Variants in FBL observed in about 807,000 individuals in gnomAD.
FBL encodes fibrillarin rRNA 2'-O-methyltransferase.
FBL carries 10 observed loss-of-function variants against 42.2 expected under a neutral mutation model. The ratio of observed to expected loss-of-function variants is 0.24; its 90% CI spans 0.15 to 0.40. The LOEUF is 0.40. Ranked by LOEUF, FBL falls within the 10% of genes least tolerant of loss-of-function variation. The pLI is 1.00. For synonymous variants in FBL, 165 were observed against 165.4 expected (o/e 1.00, Z 0.02); for missense variants, 351 against 439.2 (o/e 0.80, Z 1.79).
intron 1 of FBL, among the ~76,000 whole-genome samples, chr19:39,843,835 C>A (rs12982833): frequency 0.54 from 82,397 of 151,488 alleles, 23,506 homozygotes; most frequent in African/African-American, 0.72. Context: ...TGACTTGTAC[C>A]CACAGAGCAC....
At chr19:39,844,035 C>T (rs187236480) in intron 1 of FBL, among the ~76,000 whole-genome samples, 1 of 152,044 alleles carries the variant, frequency 6.6e-6, no homozygotes, top group East Asian at 1.9e-4. Context: ...TTAATAGCTA[C>T]TCCTAATTTG....
chr19:39,845,276 C>T (rs1336156236), intron 1 of FBL, among the ~76,000 whole-genome samples: 2 of 152,214 alleles, frequency 1.3e-5, no homozygotes, highest in Non-Finnish European at 2.9e-5. Context: ...TCAGGCACCA[C>T]CGAGAAGGAT....
At chr19:39,841,148 C>T (rs988898532) in intron 1 of FBL, among the ~76,000 whole-genome samples, 5 of 152,074 alleles carry the variant, frequency 3.3e-5, no homozygotes, top group Non-Finnish European at 7.4e-5. Context: ...CACAGCTCAC[C>T]GCAGCCTCGA....
chr19:39,841,080 C>CT (rs563369782), intron 1 of FBL, among the ~76,000 whole-genome samples: 8 of 151,182 alleles, frequency 5.3e-5, no homozygotes, highest in African/African-American at 7.3e-5. Context: ...TTGCTTAGTG[C>CT]TTTTTTTTTG....
In FBL at chr19:39,834,544, C is replaced by G. The variant is rs1968986282; in HGVS notation, c.960G>C (p.Lys320Asn). The change falls in exon 9 of 9, where the codon AAG becomes AAC. Residue 320 changes from lysine to asparagine, a missense_variant. Physicochemically the swap from Lys to Asn is moderately conservative, Grantham distance 94. Transcript: ENST00000221801. Reference sequence around the variant, plus strand: ...ATCCTGACAGCGCTGAACTTCAGTTCTTCACCTTGGGGGGTGGCCTGTGAG... The same window carrying G: ...ATCCTGACAGCGCTGAACTTCAGTTGTTCACCTTGGGGGGTGGCCTGTGAG... ...VGVYRPPPKV[K>N]N 1 of 1,614,030 alleles carries G rather than the reference C, an allele frequency of 6.2e-7. No individual in the cohort carries two copies. The highest frequency in any genetic ancestry group is 1.3e-5 in the African/African-American group (1 of 74,896).
In FBL at chr19:39,840,878, G is replaced by C. The variant is rs1364708020; in HGVS notation, c.11-91C>G. The C allele has an allele frequency of 3.2e-6, 4 of 1,234,942 alleles. No individual in the cohort carries two copies. The highest frequency in any genetic ancestry group is 4.4e-6 in the Non-Finnish European group (4 of 908,800). 76.5% of individuals were successfully genotyped at this position (1,234,942 alleles called of 1,614,324 possible). On this transcript the variant is annotated intron_variant, in intron 1 of 8. Transcript: ENST00000221801. The surrounding 1 kb of genome is among the most constrained non-coding windows in gnomAD (Gnocchi z 4.5). ...GCAATACCTCTCAGGTGAGAAACCT[G>C]AAATACATGTGCCCGTGTACAGCAG...
chr19:39,845,957 A>G (rs1284711069), intron 1 of FBL, among the ~76,000 whole-genome samples: 1 of 152,200 alleles, frequency 6.6e-6, no homozygotes, highest in Non-Finnish European at 1.5e-5. Context: ...CCAAGACTCC[A>G]GATGCCTGAA....
rs1461194036 is a variant in FBL at position 39,842,820 on chromosome 19, C to A, written c.11-2033G>T. Among the ~76,000 whole-genome samples, 6 of 152,292 alleles carry A rather than the reference C, an allele frequency of 3.9e-5. No individual in the cohort carries two copies. In the South Asian group the frequency reaches 6.2e-4, roughly 16 times the overall value. On this transcript the variant is annotated intron_variant, in intron 1 of 8. Transcript: ENST00000221801. ...CTCTCCAGGTGACTCCAAGGTGCAG[C>A]CCACATTGAGTATCATCATCCTAAG...
At chr19:39,839,932 C>T (rs1429013077) in intron 4 of FBL, among the ~76,000 whole-genome samples, 1 of 151,614 alleles carries the variant, frequency 6.6e-6, no homozygotes, top group African/African-American at 2.4e-5. Context: ...GGAGTGGGAA[C>T]AGCAAGGCCA....
intron 1 of FBL, among the ~76,000 whole-genome samples, chr19:39,844,694 T>A (rs1037136063): frequency 3.9e-5 from 6 of 152,206 alleles, no homozygotes; most frequent in African/African-American, 1.4e-4. Context: ...CACCACACCA[T>A]CTCCTAGATT....
At chr19:39,844,397 G>A (rs12975624) in intron 1 of FBL, among the ~76,000 whole-genome samples, 82,320 of 151,522 alleles carry the variant, frequency 0.54, 23,546 homozygotes, top group African/African-American at 0.72. Flanking sequence ...GCTTTTGGGG[G>A]AAAATGTACC....
intron 1 of FBL, among the ~76,000 whole-genome samples, chr19:39,845,770 G>C (rs991640044): frequency 6.6e-6 from 1 of 152,194 alleles, no homozygotes; most frequent in African/African-American, 2.4e-5. Flanking sequence ...ACGGCCAACC[G>C]GGGAGTCCTC....
rs780593060 is a variant in FBL, at chr19:39,840,293, C to G, written c.318G>C (p.Leu106=). ...VFICRGKEDA[L]VTKNLVPGES... ...CCCCAGGGACCAGGTTCTTGGTGACCAGTGCATCTTCCTTTCCTCGACAAA... is the reference window on the plus strand; with the variant it reads ...CCCCAGGGACCAGGTTCTTGGTGACGAGTGCATCTTCCTTTCCTCGACAAA... Residue 106 remains leucine (L), a synonymous_variant, in exon 4 of 9, where the codon CTG becomes CTC. Coordinates refer to ENST00000221801, the MANE Select transcript of FBL (RefSeq NM_001436.4). The surrounding 1 kb of genome is among the most constrained non-coding windows in gnomAD (Gnocchi z 4.5). 16 of 1,614,090 alleles carry G rather than the reference C, an allele frequency of 9.9e-6. No homozygotes were observed. The highest frequency in any genetic ancestry group is 1.4e-5 in the Non-Finnish European group (16 of 1,179,990).
Position 39,846,361 on chromosome 19 carries a change from G to C in FBL, c.-61C>G. On this transcript the variant is annotated 5_prime_UTR_variant, in exon 1 of 9. Coordinates refer to ENST00000221801, the MANE Select transcript of FBL (RefSeq NM_001436.4). ...GCGTTCACAACTCCACGAGTCCGGG[G>C]CTTTCGCACGTGGAAAAGAGCGCAG... The C allele has an allele frequency of 6.2e-7, 1 of 1,602,570 alleles. No individual in the cohort carries two copies. Among genetic ancestry groups the C allele is most frequent in the South Asian group, 1.1e-5 (1 of 89,502 alleles).
chr19:39,846,357 C>A lies in FBL; in HGVS notation c.-57G>T. ...CGCGGCGTTCACAACTCCACGAGTC[C>A]GGGGCTTTCGCACGTGGAAAAGAGC... On this transcript the variant is annotated 5_prime_UTR_variant, in exon 1 of 9. Coordinates refer to ENST00000221801, the MANE Select transcript of FBL (RefSeq NM_001436.4). 5.6e-6 allele frequency: 9 copies of A among 1,605,116 alleles called. No individual in the cohort carries two copies. The highest frequency in any genetic ancestry group is 7.7e-6 in the Non-Finnish European group (9 of 1,175,534).
Position 39,834,498 on chromosome 19 carries a change from T to C in FBL, c.*40A>G, listed in dbSNP as rs1452430080. The C allele has an allele frequency of 1.2e-6, 2 of 1,611,858 alleles. No homozygotes were observed. The highest frequency in any genetic ancestry group is 1.7e-6 in the Non-Finnish European group (2 of 1,178,110). On this transcript the variant is annotated 3_prime_UTR_variant, in exon 9 of 9. Transcript: ENST00000221801. ...TAATAGAAAAACACACGTGCAACAG[T>C]ATCAACACACATCTCTCGCAATCCT...
intron 4 of FBL, among the ~76,000 whole-genome samples, 189 bp from the exon 5 acceptor site, chr19:39,839,394 CAA>C (rs1187969854): frequency 1.3e-5 from 2 of 152,150 alleles, no homozygotes; most frequent in Non-Finnish European, 2.9e-5. Flanking sequence ...CAAAGGGCAG[CAA>C]AAGAGAATAA....
rs1298906563 is a variant in FBL, at chr19:39,840,873, A to C, written c.11-86T>G. On this transcript the variant is annotated intron_variant, in intron 1 of 8. Transcript: ENST00000221801. This position sits in a 1 kb window ranked among gnomAD's most constrained non-coding sequence, Gnocchi z 4.5. ...ACCCAGCAATACCTCTCAGGTGAGA[A>C]ACCTGAAATACATGTGCCCGTGTAC... is the stretch of plus-strand genomic sequence containing the variant. The C allele has an allele frequency of 4.7e-5, 59 of 1,261,730 alleles. No homozygotes were observed. The highest frequency in any genetic ancestry group is 6.0e-5 in the Non-Finnish European group (56 of 931,906). 78.2% of individuals were successfully genotyped at this position (1,261,730 alleles called of 1,614,324 possible). A position where few individuals can be genotyped will look rare whatever the true frequency, so the allele number is the denominator to read the frequency against.
intron 6 of FBL, 76 bp from the exon 7 acceptor site, chr19:39,836,744 A>G: frequency 1.9e-6 from 2 of 1,075,378 alleles, no homozygotes; most frequent in Non-Finnish European, 2.7e-6. Flanking sequence ...GCCTATGCCC[A>G]TCACCAGCAG....
Sources: allele counts gnomAD v4.1 joint callset (sites outside exome capture counted in the v4.1 genomes callset), GRCh38; gene constraint gnomAD v4.1.1; non-coding constraint Gnocchi (gnomAD v3.1); transcripts MANE v1.5; gene names NCBI Gene and HGNC (gene_info 2026-07-23, HGNC 2026-07-21).